Variants in TBC1D5 observed in about 807,000 individuals in gnomAD.
TBC1D5 encodes TBC1 domain family, member 5.
A neutral mutation model predicts 100.3 loss-of-function variants in TBC1D5; 75 were observed. That is an observed-to-expected ratio of 0.75 (90% CI 0.62 to 0.91). The LOEUF (loss-of-function observed/expected upper bound fraction) is 0.91. TBC1D5 is among the 40% of genes least tolerant of loss of function. TBC1D5 has a pLI of 0.00. For missense variants in TBC1D5, 910 were observed against 942.4 expected (o/e 0.97, Z 0.45); for synonymous variants, 323 against 325.6 (o/e 0.99, Z 0.09).
chr3:17,401,313 T>C (rs1197239171), intron 8 of TBC1D5, among the ~76,000 whole-genome samples: 1 of 112,020 alleles, frequency 8.9e-6, no homozygotes, highest in Non-Finnish European at 1.8e-5. Flanking sequence ...TACACATATA[T>C]ATGTATGTGT....
chr3:17,360,928 G>A (rs1263848384), intron 13 of TBC1D5, among the ~76,000 whole-genome samples: 1 of 151,946 alleles, frequency 6.6e-6, no homozygotes, highest in African/African-American at 2.4e-5. Context: ...AAACACCAGT[G>A]AAAGAAGCCA....
chr3:17,369,261 GCTAA>G (rs2092341046), intron 13 of TBC1D5, among the ~76,000 whole-genome samples: 2 of 152,090 alleles, frequency 1.3e-5, no homozygotes, highest in African/African-American at 4.8e-5. Flanking sequence ...AGTTGGAAGG[GCTAA>G]CTAATGATTC....
intron 13 of TBC1D5, among the ~76,000 whole-genome samples, chr3:17,327,828 T>C (rs1008015505): frequency 1.3e-5 from 2 of 152,188 alleles, no homozygotes; most frequent in African/African-American, 2.4e-5. Flanking sequence ...GTGGTTTTTT[T>C]TCCCCATTAC....
At chr3:17,625,926 A>T (rs1478725524) in intron 1 of TBC1D5, among the ~76,000 whole-genome samples, 4 of 152,138 alleles carry the variant, frequency 2.6e-5, no homozygotes, top group African/African-American at 9.6e-5. Context: ...TCTTTTAACT[A>T]TTTCACATGA....
intron 18 of TBC1D5, among the ~76,000 whole-genome samples, chr3:17,213,582 A>G (rs1431343304): frequency 2.0e-5 from 3 of 152,020 alleles, no homozygotes; most frequent in African/African-American, 7.2e-5. Flanking sequence ...CCTGGCCAAT[A>G]TGGCAAAACC....
At chr3:17,738,173 A>G (rs1407468063) in intron 1 of TBC1D5, among the ~76,000 whole-genome samples, 1 of 152,218 alleles carries the variant, frequency 6.6e-6, no homozygotes, top group Non-Finnish European at 1.5e-5. Flanking sequence ...AAGGGATAAG[A>G]GCATTACTAT....
At chr3:17,661,111 C>T (rs1362734271) in intron 1 of TBC1D5, among the ~76,000 whole-genome samples, 2 of 151,852 alleles carry the variant, frequency 1.3e-5, no homozygotes, top group African/African-American at 4.8e-5. Flanking sequence ...CAATTATAAC[C>T]CAAGGGTGGG....
intron 3 of TBC1D5, among the ~76,000 whole-genome samples, chr3:17,480,650 G>T (rs2095491216): frequency 6.6e-6 from 1 of 152,054 alleles, no homozygotes; most frequent in African/African-American, 2.4e-5. Context: ...TTGCAGAAAG[G>T]AGCTACCCAC....
At chr3:17,741,045 G>A (rs1344391020), upstream of TBC1D5, 2 of 151,926 alleles carry the variant, frequency 1.3e-5, no homozygotes, top group African/African-American at 4.8e-5. Flanking sequence ...TACACCCGGG[G>A]GTGAGTTATT....
chr3:17,171,329 G>A (rs2067153444), intron 19 of TBC1D5, among the ~76,000 whole-genome samples: 1 of 152,152 alleles, frequency 6.6e-6, no homozygotes, highest in Non-Finnish European at 1.5e-5. Context: ...GGAGGGGGAT[G>A]GAGTTTATGT....
chr3:17,374,113 A>T (rs2092599023), intron 12 of TBC1D5, among the ~76,000 whole-genome samples: 1 of 152,122 alleles, frequency 6.6e-6, no homozygotes, highest in African/African-American at 2.4e-5. Context: ...CACTGGTAAA[A>T]GCAAAACAAC....
chr3:17,499,082 T>C (rs944264514), intron 3 of TBC1D5, among the ~76,000 whole-genome samples: 1 of 152,242 alleles, frequency 6.6e-6, no homozygotes, highest in African/African-American at 2.4e-5. Flanking sequence ...AATTTTTTTC[T>C]TGCATTCCTC....
At chr3:17,162,002 T>C (rs1409314398) in intron 21 of TBC1D5, among the ~76,000 whole-genome samples, 1 of 151,472 alleles carries the variant, frequency 6.6e-6, no homozygotes, top group Non-Finnish European at 1.5e-5. Flanking sequence ...TCTAAGCAAT[T>C]ATGAGTGGCT....
intron 2 of TBC1D5, among the ~76,000 whole-genome samples, chr3:17,557,475 T>C (rs1003361279): frequency 1.3e-5 from 2 of 152,230 alleles, no homozygotes; most frequent in Non-Finnish European, 2.9e-5. Context: ...AATGGAAATA[T>C]ATTTTGCTTG....
At chr3:17,407,514 T>G (rs2093803549) in intron 4 of TBC1D5, among the ~76,000 whole-genome samples, 1 of 152,250 alleles carries the variant, frequency 6.6e-6, no homozygotes, top group South Asian at 2.1e-4. Flanking sequence ...AGAAAGCCAC[T>G]AAAACCCTCA....
rs952527688 is a variant in TBC1D5, at chr3:17,705,914, G to A, written c.-101+33429C>T. 69 of 932,372 alleles carry A rather than the reference G, an allele frequency of 7.4e-5. No homozygotes were observed. The African/African-American group carries it at 1.0e-3, about 14-fold the overall frequency. The allele number at this position is 932,372 out of a possible 1,614,324, so 57.8% of individuals were successfully genotyped here. A position where few individuals can be genotyped will look rare whatever the true frequency, so the allele number is the denominator to read the frequency against. ...AGGCAGGCGTCTGCTCCTTGCCCTC[G>A]GGCCCGCGGGGCCCGTCCGCTCCTC... On this transcript the variant is annotated intron_variant, in intron 1 of 21. Coordinates refer to ENST00000253692, the Ensembl canonical transcript of TBC1D5.
chr3:17,514,177 CTTAATAT>C (rs2095952015), intron 2 of TBC1D5, among the ~76,000 whole-genome samples: 1 of 152,114 alleles, frequency 6.6e-6, no homozygotes, highest in Non-Finnish European at 1.5e-5. Flanking sequence ...ATCTGAAAGT[CTTAATAT>C]TTAATATTGT....
At chr3:17,602,561 A>ATTTTTTTTT (rs33956978) in intron 2 of TBC1D5, among the ~76,000 whole-genome samples, 1 of 74,476 alleles carries the variant, frequency 1.3e-5, no homozygotes, top group Non-Finnish European at 2.5e-5. Context: ...AGAGAATCAG[A>ATTTTTTTTT]TTTTTTTTTT....
Position 17,530,577 on chromosome 3 carries a change from C to A in TBC1D5, c.-35-21972G>T, listed in dbSNP as rs73155232. On this transcript the variant is annotated intron_variant, in intron 2 of 21. Transcript: ENST00000253692. The stretch of plus-strand genomic sequence containing the variant: ...ACTGAGTTAGACATAAAATGCCACA[C>A]ACTAGCCAAAGCTTTTACTTGAATA... Among the ~76,000 whole-genome samples the A allele has an allele frequency of 5.3e-3, 813 of 152,322 alleles. 12 individuals carry two copies. The highest frequency in any genetic ancestry group is 0.019 in the African/African-American group (781 of 41,552).
Sources: allele counts gnomAD v4.1 joint callset (sites outside exome capture counted in the v4.1 genomes callset), GRCh38; gene constraint gnomAD v4.1.1; transcripts MANE v1.5; gene names NCBI Gene and HGNC (gene_info 2026-07-23, HGNC 2026-07-21).